Variants in DOCK3 observed in about 807,000 individuals in gnomAD.
DOCK3 encodes dedicator of cytokinesis protein 3.
In DOCK3, 60 loss-of-function variants were observed where a neutral mutation model predicts 265.6. That is an observed-to-expected ratio of 0.23 (90% CI 0.18 to 0.28). The LOEUF (loss-of-function observed/expected upper bound fraction) is 0.28, where lower values mean the gene tolerates loss of function less well. DOCK3 is among the 10% of genes least tolerant of loss of function. The pLI is 1.00. For synonymous variants in DOCK3, 881 were observed against 938.0 expected, an observed-to-expected ratio of 0.94 and a Z score of 1.11; for missense variants, 1,981 against 2,594.3, an observed-to-expected ratio of 0.76 and a Z score of 5.14.
intron 4 of DOCK3, among the ~76,000 whole-genome samples, chr3:50,923,132 T>C (rs1370102656): frequency 6.6e-6 from 1 of 152,206 alleles, no homozygotes; most frequent in East Asian, 1.9e-4. Flanking sequence ...TTCCATCATA[T>C]ATATATACAC....
intron 1 of DOCK3, chr3:50,719,526 T>C: frequency 9.1e-7 from 1 of 1,094,010 alleles, no homozygotes; most frequent in Non-Finnish European, 1.4e-6. Context: ...TCACTGGTCT[T>C]GCCGTTTCTG....
At chr3:50,678,301 T>G (rs1337410464) in intron 1 of DOCK3, among the ~76,000 whole-genome samples, 1 of 152,178 alleles carries the variant, frequency 6.6e-6, no homozygotes, top group Non-Finnish European at 1.5e-5. Flanking sequence ...TCCTGCATCC[T>G]TCCATTCTTT....
intron 2 of DOCK3, among the ~76,000 whole-genome samples, chr3:50,789,186 T>A (rs534716770): frequency 6.6e-6 from 1 of 152,354 alleles, no homozygotes; most frequent in Non-Finnish European, 1.5e-5. Context: ...ATTGTGTCAC[T>A]ATTATGCAGT....
In DOCK3 at chr3:51,370,050, G is replaced by C. The variant is rs1208456523; in HGVS notation, c.5294-4419G>C. On this transcript the variant is annotated intron_variant, in intron 49 of 52. Transcript: ENST00000266037. ...AGGACAAATGAACCAAAAGATCGGT[G>C]CATGCTGAAGATTTGTCAGTATGTG... 2.6e-5 allele frequency among the ~76,000 whole-genome samples: 4 copies of C among 152,182 alleles called. No individual in the cohort carries two copies. In the East Asian group the frequency reaches 7.7e-4, roughly 29 times the overall value.
intron 23 of DOCK3, among the ~76,000 whole-genome samples, chr3:51,268,816 G>A (rs754845431): frequency 6.6e-6 from 1 of 152,096 alleles, no homozygotes; most frequent in Non-Finnish European, 1.5e-5. Flanking sequence ...AGGTGCTTCT[G>A]TAAGAAAGAC....
chr3:50,757,552 A>G (rs1298593252), intron 1 of DOCK3, among the ~76,000 whole-genome samples: 1 of 150,668 alleles, frequency 6.6e-6, no homozygotes, highest in Non-Finnish European at 1.5e-5. Context: ...TGTGATATAT[A>G]GATATTTTCT....
At chr3:50,884,043 G>T (rs376692959) in intron 3 of DOCK3, among the ~76,000 whole-genome samples, 6 of 149,646 alleles carry the variant, frequency 4.0e-5, no homozygotes, top group African/African-American at 1.5e-4. Context: ...ATTCATGTAC[G>T]TTCCTTTTTA....
rs181718259 is a variant in DOCK3 at position 51,333,271 on chromosome 3, C to T, written c.3611+18C>T. The T allele has an allele frequency of 4.7e-5, 76 of 1,607,908 alleles. No homozygotes were observed. The highest frequency in any genetic ancestry group is 1.3e-4 in the East Asian group (6 of 44,864). On this transcript the variant is annotated intron_variant, in intron 35 of 52. Coordinates refer to ENST00000266037, the MANE Select transcript of DOCK3 (RefSeq NM_004947.5). ...GACTACAGGTATCTTCTCAGCCACC[C>T]GCTCCCCTCTTCCCTTGTCAGGATA...
At chr3:51,111,969 A>G (rs1258324507) in intron 9 of DOCK3, among the ~76,000 whole-genome samples, 4 of 152,374 alleles carry the variant, frequency 2.6e-5, no homozygotes, top group East Asian at 3.8e-4. Context: ...ATCACTGATC[A>G]TTAGAGAAAT....
intron 5 of DOCK3, among the ~76,000 whole-genome samples, chr3:50,964,581 A>C (rs967808907): frequency 2.6e-5 from 4 of 152,186 alleles, no homozygotes; most frequent in African/African-American, 9.6e-5. Flanking sequence ...AATGAAGCCC[A>C]AAAGTGATAA....
At chr3:50,891,106 G>A (rs1480578605) in intron 4 of DOCK3, among the ~76,000 whole-genome samples, 1 of 151,998 alleles carries the variant, frequency 6.6e-6, no homozygotes, top group Admixed American at 6.6e-5. Flanking sequence ...GCAACTGGAG[G>A]CTGGAACCTA....
At chr3:50,992,372 A>T (rs2078138287) in intron 5 of DOCK3, among the ~76,000 whole-genome samples, 1 of 152,134 alleles carries the variant, frequency 6.6e-6, no homozygotes, top group Non-Finnish European at 1.5e-5. Flanking sequence ...ATCTCAGCTC[A>T]CTGCAACCTC....
chr3:51,213,377 G>A (rs1046641257), intron 13 of DOCK3, among the ~76,000 whole-genome samples: 1 of 152,086 alleles, frequency 6.6e-6, no homozygotes, highest in Non-Finnish European at 1.5e-5. Flanking sequence ...GCTGCAGCGG[G>A]GACCCTCAGG....
intron 27 of DOCK3, among the ~76,000 whole-genome samples, chr3:51,295,431 C>T (rs941449300): frequency 6.6e-6 from 1 of 152,192 alleles, no homozygotes. Flanking sequence ...GGATCCACCC[C>T]TATGGCCCAA....
chr3:51,189,196 T>C (rs1186987861), intron 12 of DOCK3, among the ~76,000 whole-genome samples: 1 of 152,230 alleles, frequency 6.6e-6, no homozygotes, highest in African/African-American at 2.4e-5. Context: ...TTGAACATTT[T>C]TGCATTTATC....
intron 12 of DOCK3, among the ~76,000 whole-genome samples, chr3:51,176,725 G>C (rs1271511416): frequency 6.6e-6 from 1 of 152,144 alleles, no homozygotes; most frequent in African/African-American, 2.4e-5. Flanking sequence ...AGCTTTGTTA[G>C]CTGACTTAAT....
At chr3:51,201,709 C>T (rs373303128) in intron 12 of DOCK3, among the ~76,000 whole-genome samples, 3 of 152,304 alleles carry the variant, frequency 2.0e-5, no homozygotes, top group South Asian at 4.1e-4. Context: ...CCCAAATCAA[C>T]AGAATATACA....
chr3:51,025,107 T>C (rs896403839), intron 5 of DOCK3, among the ~76,000 whole-genome samples: 3 of 152,128 alleles, frequency 2.0e-5, no homozygotes, highest in Non-Finnish European at 4.4e-5. Flanking sequence ...TCTGGTTTCT[T>C]AGGTGATGGG....
At chr3:51,180,207 CAA>C (rs769429969) in intron 12 of DOCK3, among the ~76,000 whole-genome samples, 6 of 111,272 alleles carry the variant, frequency 5.4e-5, no homozygotes, top group Admixed American at 4.1e-4. Context: ...GACCCTGTCT[CAA>C]AAAAAAAAAA....
Sources: allele counts gnomAD v4.1 joint callset (sites outside exome capture counted in the v4.1 genomes callset), GRCh38; gene constraint gnomAD v4.1.1; transcripts MANE v1.5; gene names NCBI Gene and HGNC (gene_info 2026-07-23, HGNC 2026-07-21).